Variants in AGMO observed in about 807,000 individuals in gnomAD.
AGMO encodes alkylglycerol monooxygenase, also known as glyceryl-ether monooxygenase.
A neutral mutation model predicts 60.2 loss-of-function variants in AGMO; 75 were observed. The observed-to-expected ratio is 1.25, with a 90% CI of 1.03 to 1.51. The LOEUF (loss-of-function observed/expected upper bound fraction) is 1.51. Ranked by LOEUF, AGMO falls within the 40% of genes most tolerant of loss-of-function variation. The probability of loss-of-function intolerance (pLI) is 0.00; values close to 1 mark genes in which losing one functional copy is unlikely to be tolerated. For missense variants in AGMO, 763 were observed against 525.5 expected (o/e 1.45, Z -4.42); for synonymous variants, 261 against 177.1 (o/e 1.47, Z -3.76).
intron 3 of AGMO, among the ~76,000 whole-genome samples, chr7:15,464,920 G>C (rs1198056793): frequency 1.3e-5 from 2 of 152,146 alleles, no homozygotes; most frequent in African/African-American, 2.4e-5. Context: ...AGGCAATTTT[G>C]GCAAGAAGCA....
intron 12 of AGMO, among the ~76,000 whole-genome samples, chr7:15,283,168 C>T (rs752249756): frequency 6.6e-6 from 1 of 151,966 alleles, no homozygotes. Flanking sequence ...GCCCATAAAA[C>T]AATAACACAA....
chr7:15,483,623 T>C (rs1379949688), intron 3 of AGMO, among the ~76,000 whole-genome samples: 2 of 151,966 alleles, frequency 1.3e-5, no homozygotes, highest in Admixed American at 1.3e-4. Context: ...TTTCTAGGAC[T>C]AAAACTAGCT....
chr7:15,458,077 A>G (rs894385357), intron 3 of AGMO, among the ~76,000 whole-genome samples: 3 of 152,104 alleles, frequency 2.0e-5, no homozygotes, highest in East Asian at 1.9e-4. Flanking sequence ...CAAAGTAGCT[A>G]TTTTTTCTGC....
At chr7:15,517,314 GGTGT>G (rs369815817) in intron 3 of AGMO, among the ~76,000 whole-genome samples, 4 of 148,308 alleles carry the variant, frequency 2.7e-5, no homozygotes, top group Admixed American at 6.7e-5. Flanking sequence ...TCTAGTGTGG[GGTGT>G]GTGTGTGTGT....
intron 12 of AGMO, among the ~76,000 whole-genome samples, chr7:15,224,443 T>TTCTCTCTCTC (rs140122730): frequency 2.6e-5 from 4 of 151,038 alleles, no homozygotes; most frequent in African/African-American, 9.7e-5. Context: ...TGTCCTCTCT[T>TTCTCTCTCTC]TCTCTCTCTC....
chr7:15,313,708 A>G (rs1021148109), intron 12 of AGMO, among the ~76,000 whole-genome samples: 5 of 152,168 alleles, frequency 3.3e-5, no homozygotes, highest in Non-Finnish European at 5.9e-5. Context: ...GGATGCCTAA[A>G]ACCACGGATC....
the AGMO span, among the ~76,000 whole-genome samples, chr7:15,135,656 G>C: frequency 0.43 from 65,095 of 151,762 alleles, 14,272 homozygotes; most frequent in South Asian, 0.56. Flanking sequence ...TGATACCAAA[G>C]TCCTATTCCT....
chr7:15,399,861 C>A (rs999963831), intron 5 of AGMO, among the ~76,000 whole-genome samples: 3 of 152,190 alleles, frequency 2.0e-5, no homozygotes, highest in African/African-American at 7.2e-5. Flanking sequence ...TGTTCACATT[C>A]TTTCTGGATA....
Position 15,270,596 on chromosome 7 carries a change from A to ATTTTT in AGMO, c.1264-69242_1264-69238dup, listed in dbSNP as rs527463907. Among the ~76,000 whole-genome samples the ATTTTT allele has an allele frequency of 2.2e-3, 105 of 48,030 alleles. 2 individuals are homozygous for ATTTTT. The highest frequency in any genetic ancestry group is 2.9e-3 in the Non-Finnish European group (75 of 25,750). 31.5% of individuals were successfully genotyped at this position (48,030 alleles called of 152,430 possible). ...ATTAAACAAATTTAATCTGTTGATAATTTTTTTTTTTTTTTTTTTTTTTTT... is the reference window on the plus strand; with the variant it reads ...ATTAAACAAATTTAATCTGTTGATAATTTTTTTTTTTTTTTTTTTTTTTTTTTTTT... On this transcript the variant is annotated intron_variant, in intron 12 of 12. Transcript: ENST00000342526.
chr7:15,388,064 T>C (rs893654183), intron 8 of AGMO, among the ~76,000 whole-genome samples: 3 of 152,100 alleles, frequency 2.0e-5, no homozygotes, highest in Non-Finnish European at 4.4e-5. Context: ...CCTGCCACCA[T>C]GCCAGGCTAA....
At chr7:15,557,149 A>C (rs1210944558) in intron 2 of AGMO, among the ~76,000 whole-genome samples, 2 of 152,094 alleles carry the variant, frequency 1.3e-5, no homozygotes, top group Non-Finnish European at 2.9e-5. Context: ...TCAAAAAAAA[A>C]CATGGTTTTT....
chr7:15,245,478 A>C (rs1782713687), intron 12 of AGMO, among the ~76,000 whole-genome samples: 1 of 152,158 alleles, frequency 6.6e-6, no homozygotes, highest in South Asian at 2.1e-4. Flanking sequence ...AATTGCATTC[A>C]GCCTTCCTTC....
At chr7:15,443,229 C>T (rs1253139979) in intron 3 of AGMO, among the ~76,000 whole-genome samples, 5 of 152,168 alleles carry the variant, frequency 3.3e-5, no homozygotes, top group South Asian at 2.1e-4. Context: ...TACTTACAGA[C>T]GGCAAAACTA....
the AGMO span, among the ~76,000 whole-genome samples, chr7:15,194,967 A>G: frequency 6.6e-6 from 1 of 152,158 alleles, no homozygotes; most frequent in Non-Finnish European, 1.5e-5. Flanking sequence ...GCATTTGTCT[A>G]ATGTCTCTGA....
At chr7:15,514,213 A>ATT (rs1315695131) in intron 3 of AGMO, among the ~76,000 whole-genome samples, 1 of 152,072 alleles carries the variant, frequency 6.6e-6, no homozygotes, top group Non-Finnish European at 1.5e-5. Context: ...AAATCTACTT[A>ATT]TTGTGCTCTT....
intron 3 of AGMO, among the ~76,000 whole-genome samples, chr7:15,446,528 G>T (rs1398795381): frequency 2.6e-5 from 4 of 152,158 alleles, no homozygotes; most frequent in African/African-American, 9.7e-5. Flanking sequence ...TGTAAGGCCA[G>T]CTGATATGCA....
chr7:15,177,673 G>A, the AGMO span, among the ~76,000 whole-genome samples: 1 of 151,798 alleles, frequency 6.6e-6, no homozygotes, highest in African/African-American at 2.4e-5. Context: ...CTCTTACTCG[G>A]TAGAATAGAA....
intron 3 of AGMO, among the ~76,000 whole-genome samples, chr7:15,459,084 A>T (rs973224648): frequency 1.3e-5 from 2 of 152,180 alleles, no homozygotes; most frequent in African/African-American, 4.8e-5. Context: ...CCTATTTTAA[A>T]CTATATCACA....
At chr7:15,379,941 ACTTT>A (rs753127752) in intron 10 of AGMO, among the ~76,000 whole-genome samples, 152 of 152,164 alleles carry the variant, frequency 1.0e-3, no homozygotes, top group Admixed American at 1.2e-3. Flanking sequence ...GCAGAAAAAG[ACTTT>A]CTTTAATTCG....
Sources: gnomAD v4.1 joint callset for allele counts (sites outside exome capture counted in the v4.1 genomes callset) on GRCh38, gnomAD v4.1.1 for gene constraint, MANE v1.5 for transcripts, NCBI Gene and HGNC (gene_info 2026-07-23, HGNC 2026-07-21) for gene names.